NMBR: variants seen among roughly 807,000 people sequenced by gnomAD.
NMBR encodes the protein neuromedin-B receptor.
In NMBR, 16 loss-of-function variants were observed where a neutral mutation model predicts 20.5. The observed-to-expected ratio is 0.78, with a 90% confidence interval of 0.53 to 1.19. The LOEUF (loss-of-function observed/expected upper bound fraction) is 1.19. NMBR is among the 50% of genes most tolerant of loss of function. NMBR has a pLI of 0.00. For missense variants in NMBR, 582 were observed against 499.1 expected, an observed-to-expected ratio of 1.17 and a Z score of -1.58; for synonymous variants, 212 against 196.6, an observed-to-expected ratio of 1.08 and a Z score of -0.65.
chr6:142,127,522 A>G (rs1778061323), intron 1 of NMBR, among the ~76,000 whole-genome samples: 1 of 152,012 alleles, frequency 6.6e-6, no homozygotes, highest in African/African-American at 2.4e-5. Flanking sequence ...ATTTCTGTAT[A>G]GAATGCAGAA....
intron 1 of NMBR, among the ~76,000 whole-genome samples, chr6:142,106,511 C>A: frequency 6.6e-6 from 1 of 152,288 alleles, no homozygotes; most frequent in African/African-American, 2.4e-5. Flanking sequence ...TAAATAATAT[C>A]ACATACACAT....
intron 1 of NMBR, among the ~76,000 whole-genome samples, chr6:142,139,599 A>C (rs1356030658): frequency 6.6e-6 from 1 of 152,194 alleles, no homozygotes; most frequent in Non-Finnish European, 1.5e-5. Context: ...ACAAGGTGGA[A>C]GGATGGCATC....
chr6:142,086,319 A>C (rs2114563891), intron 2 of NMBR, among the ~76,000 whole-genome samples: 1 of 152,322 alleles, frequency 6.6e-6, no homozygotes, highest in Admixed American at 6.5e-5. Context: ...ACACAAAAAA[A>C]GTTAGCACTG....
chr6:142,115,054 A>G (rs1221681612), intron 1 of NMBR, among the ~76,000 whole-genome samples: 1 of 152,092 alleles, frequency 6.6e-6, no homozygotes, highest in Non-Finnish European at 1.5e-5. Context: ...TTTCTAATTC[A>G]CTCAGAGTGA....
rs35134315 is a variant in NMBR at position 142,075,109 on chromosome 6, TAC to T, written c.*537_*538del. ...ACATATATACATATACATATATATA[TAC>T]ACACACACACACACTCATGCAATAG... is the stretch of plus-strand genomic sequence containing the variant. On this transcript the variant is annotated 3_prime_UTR_variant, in exon 4 of 4. Transcript: ENST00000258042. Among the ~76,000 whole-genome samples, 178 of 149,946 alleles carry T rather than the reference TAC, an allele frequency of 1.2e-3. No homozygotes were observed. The highest frequency in any genetic ancestry group is 1.2e-3 in the East Asian group (6 of 5,054).
rs536641999 is a variant in NMBR, at chr6:142,096,297, T to G, written c.-663-6976A>C. On this transcript the variant is annotated intron_variant, in intron 1 of 3. Coordinates refer to ENST00000258042, the MANE Select transcript of NMBR (RefSeq NM_002511.4). ...TTTCTCTAGTGGGCATTTACTGCTA[T>G]AAATTTCCCTCTACACACTGCTTTA... 1.1e-4 allele frequency among the ~76,000 whole-genome samples: 17 copies of G among 152,318 alleles called. No individual in the cohort carries two copies. The South Asian group carries it at 3.5e-3, about 32-fold the overall frequency.
At chr6:142,085,473 G>A (rs563044985) in intron 2 of NMBR, among the ~76,000 whole-genome samples, 7 of 152,132 alleles carry the variant, frequency 4.6e-5, no homozygotes, top group African/African-American at 1.7e-4. Context: ...GCAGTGAGCC[G>A]AGATCGCACC....
intron 1 of NMBR, among the ~76,000 whole-genome samples, chr6:142,139,728 C>G (rs905977318): frequency 5.9e-5 from 9 of 152,198 alleles, no homozygotes; most frequent in Non-Finnish European, 1.0e-4. Flanking sequence ...TGTAAATTCA[C>G]TACCGACCTA....
In NMBR at chr6:142,134,473, GT is replaced by G. The variant is rs1778209347; in HGVS notation, c.-664+12570del. On this transcript the variant is annotated intron_variant, in intron 1 of 3. Transcript: ENST00000258042. ...TGAGAGTTAGTGGGGTTTTTTTAGT[GT>G]ATTTTAGTTACATATTGATTAATTG... 12 of 461,218 alleles carry G rather than the reference GT, an allele frequency of 2.6e-5. No individual in the cohort carries two copies. The East Asian group carries it at 3.9e-4, about 15-fold the overall frequency. The allele number at this position is 461,218 out of a possible 1,614,324, so 28.6% of individuals were successfully genotyped here. A position where few individuals can be genotyped will look rare whatever the true frequency, so the allele number is the denominator to read the frequency against.
At chr6:142,125,512 C>CACATATACATGTACATGCAA (rs1211570455) in intron 1 of NMBR, among the ~76,000 whole-genome samples, 1 of 76,876 alleles carries the variant, frequency 1.3e-5, no homozygotes. Context: ...CATATACATA[C>CACATATACATGTACATGCAA]ATACACAATT....
chr6:142,076,095 A>AC (rs755739999), intron 3 of NMBR, 46 bp from the exon 4 acceptor site: 1 of 1,505,098 alleles, frequency 6.6e-7, no homozygotes, highest in Admixed American at 2.3e-5. Context: ...TGAAAATGGA[A>AC]CCAGCCACAT....
At chr6:142,086,629 A>G (rs1459214803) in intron 2 of NMBR, among the ~76,000 whole-genome samples, 1 of 152,110 alleles carries the variant, frequency 6.6e-6, no homozygotes, top group Non-Finnish European at 1.5e-5. Context: ...ACCTTTCCTT[A>G]TTGTTATTAC....
chr6:142,131,824 A>C (rs761205073), intron 1 of NMBR, among the ~76,000 whole-genome samples: 1 of 152,202 alleles, frequency 6.6e-6, no homozygotes, highest in Non-Finnish European at 1.5e-5. Context: ...GAAAGGAGAC[A>C]CTGATGATTT....
chr6:142,089,947 T>A (rs190094923), intron 1 of NMBR, among the ~76,000 whole-genome samples: 1,833 of 152,308 alleles, frequency 0.012, 38 homozygotes, highest in South Asian at 0.068. Context: ...GACAATTTTT[T>A]AAAATAAATT....
At chr6:142,106,889 A>G (rs1562240757) in intron 1 of NMBR, among the ~76,000 whole-genome samples, 2 of 152,236 alleles carry the variant, frequency 1.3e-5, no homozygotes, top group African/African-American at 2.4e-5. Context: ...ATTTAAAACA[A>G]TGGTAAGAGT....
Position 142,094,549 on chromosome 6 carries a change from T to C in NMBR, c.-663-5228A>G, listed in dbSNP as rs192744250. Among the ~76,000 whole-genome samples, 654 of 152,330 alleles carry C rather than the reference T, an allele frequency of 4.3e-3. 2 individuals are homozygous for C. Among genetic ancestry groups the C allele is most frequent in the Middle Eastern group, 0.034 (10 of 294 alleles). ...ACCAGTACCATGCTGTTTTGGCTAC[T>C]GTAGCCTTGCAGTACAGTTTGAAGT... On this transcript the variant is annotated intron_variant, in intron 1 of 3. Transcript: ENST00000258042.
intron 1 of NMBR, among the ~76,000 whole-genome samples, chr6:142,110,278 T>C (rs1777738576): frequency 6.6e-6 from 1 of 152,090 alleles, no homozygotes; most frequent in Non-Finnish European, 1.5e-5. Flanking sequence ...ATACACATCA[T>C]CACAGAATTG....
At chr6:142,095,432 T>G (rs905960028) in intron 1 of NMBR, among the ~76,000 whole-genome samples, 6 of 152,350 alleles carry the variant, frequency 3.9e-5, no homozygotes, top group African/African-American at 1.4e-4. Flanking sequence ...TGTCATTGGT[T>G]CTGTTTATAT....
chr6:142,095,730 T>C (rs899510065), intron 1 of NMBR, among the ~76,000 whole-genome samples: 12 of 152,114 alleles, frequency 7.9e-5, no homozygotes, highest in African/African-American at 1.9e-4. Flanking sequence ...AGGGATGGTA[T>C]CAGTTCCTCC....
Sources: allele counts gnomAD v4.1 joint callset (sites outside exome capture counted in the v4.1 genomes callset), GRCh38; gene constraint gnomAD v4.1.1; transcripts MANE v1.5; gene names NCBI Gene and HGNC (gene_info 2026-07-23, HGNC 2026-07-21).